UBE2E3: variants seen among roughly 807,000 people sequenced by gnomAD.
UBE2E3 encodes ubiquitin-conjugating enzyme E2 E3.
UBE2E3 carries 5 observed loss-of-function variants against 23.6 expected under a neutral mutation model. The ratio of observed to expected loss-of-function variants is 0.21; its 90% CI spans 0.11 to 0.44. The LOEUF (loss-of-function observed/expected upper bound fraction) is 0.44, where lower values mean the gene tolerates loss of function less well. Among genes scored for constraint, UBE2E3 ranks in the 20% least tolerant of loss-of-function variants. The probability of loss-of-function intolerance (pLI) is 0.99; values close to 1 mark genes in which losing one functional copy is unlikely to be tolerated. For synonymous variants in UBE2E3, 78 were observed against 87.5 expected (o/e 0.89, Z 0.60); for missense variants, 81 against 249.8 (o/e 0.32, Z 4.55).
chr2:181,019,022 G>A (rs1685588075), intron 3 of UBE2E3, among the ~76,000 whole-genome samples: 1 of 152,082 alleles, frequency 6.6e-6, no homozygotes. Context: ...GGAGGGCAGT[G>A]GTGTGATCTC....
chr2:181,062,965 A>C lies in UBE2E3; in HGVS notation c.*77A>C. The C allele has an allele frequency of 1.2e-6, 1 of 862,472 alleles. No homozygotes were observed. The highest frequency in any genetic ancestry group is 2.7e-5 in the East Asian group (1 of 37,484). The allele number at this position is 862,472 out of a possible 1,614,324, so 53.4% of individuals were successfully genotyped here. Reference sequence around the variant, plus strand: ...GCTGCAAATCTTTATAGCCTTTACAATACGGACTTCTGTGTATATGTTATA... The same window carrying C: ...GCTGCAAATCTTTATAGCCTTTACACTACGGACTTCTGTGTATATGTTATA... On this transcript the variant is annotated 3_prime_UTR_variant, in exon 6 of 6. Transcript: ENST00000410062.
chr2:181,028,895 T>A (rs905987710), intron 3 of UBE2E3, among the ~76,000 whole-genome samples: 1 of 152,276 alleles, frequency 6.6e-6, no homozygotes. Context: ...CTTATATGAT[T>A]AGCACTTTTT....
chr2:181,031,247 A>G (rs1686068668), intron 3 of UBE2E3, among the ~76,000 whole-genome samples: 2 of 152,060 alleles, frequency 1.3e-5, no homozygotes, highest in African/African-American at 2.4e-5. Flanking sequence ...AGGGTTTGCT[A>G]TGTTTTCATT....
At chr2:180,994,887 A>G (rs945994617) in intron 3 of UBE2E3, among the ~76,000 whole-genome samples, 1 of 152,004 alleles carries the variant, frequency 6.6e-6, no homozygotes, top group African/African-American at 2.4e-5. Flanking sequence ...CAAAACTTAC[A>G]CAGTCATTTA....
chr2:181,020,331 CTT>C (rs370833987), intron 3 of UBE2E3, among the ~76,000 whole-genome samples: 6 of 152,146 alleles, frequency 3.9e-5, no homozygotes, highest in African/African-American at 1.4e-4. Flanking sequence ...CTCTGTCTCT[CTT>C]CTCTTCTTGT....
At chr2:181,018,350 AT>A (rs1467343659) in intron 3 of UBE2E3, among the ~76,000 whole-genome samples, 1 of 147,480 alleles carries the variant, frequency 6.8e-6, no homozygotes, top group Non-Finnish European at 1.5e-5. Context: ...TGTGTTTAAT[AT>A]TTTTATCTCT....
chr2:181,054,536 G>A (rs981089878), intron 3 of UBE2E3, among the ~76,000 whole-genome samples: 4 of 151,678 alleles, frequency 2.6e-5, no homozygotes, highest in African/African-American at 9.7e-5. Context: ...TTTATCTTTG[G>A]TGTGAGGTAT....
At chr2:181,014,005 G>A (rs1685412227) in intron 3 of UBE2E3, among the ~76,000 whole-genome samples, 1 of 152,186 alleles carries the variant, frequency 6.6e-6, no homozygotes, top group South Asian at 2.1e-4. Context: ...GGTAGTGGAA[G>A]TGGAGGTTGT....
At chr2:181,053,426 C>G (rs1686901702) in intron 3 of UBE2E3, among the ~76,000 whole-genome samples, 1 of 151,834 alleles carries the variant, frequency 6.6e-6, no homozygotes, top group Admixed American at 6.6e-5. Context: ...TTGGAACATA[C>G]TCGTTTATAA....
chr2:180,984,632 C>T (rs920722296), intron 3 of UBE2E3, among the ~76,000 whole-genome samples: 2 of 152,088 alleles, frequency 1.3e-5, no homozygotes, highest in African/African-American at 2.4e-5. Flanking sequence ...GAATTATTTA[C>T]GTTTTAAGCA....
chr2:181,010,339 C>A (rs1225761093), intron 3 of UBE2E3, among the ~76,000 whole-genome samples: 1 of 152,010 alleles, frequency 6.6e-6, no homozygotes, highest in South Asian at 2.1e-4. Context: ...ATTTTCAATA[C>A]AGATTATTTT....
chr2:181,027,372 A>G (rs557995921), intron 3 of UBE2E3, among the ~76,000 whole-genome samples: 96 of 152,046 alleles, frequency 6.3e-4, no homozygotes, highest in African/African-American at 2.3e-3. Context: ...TGGTCATCCA[A>G]ACCTCTTGTT....
At chr2:181,030,658 T>A (rs186928228) in intron 3 of UBE2E3, among the ~76,000 whole-genome samples, 1 of 152,284 alleles carries the variant, frequency 6.6e-6, no homozygotes, top group African/African-American at 2.4e-5. Context: ...TGAAATTTGA[T>A]AGAAGTCTCC....
At chr2:181,018,833 G>A (rs192293802) in intron 3 of UBE2E3, among the ~76,000 whole-genome samples, 47 of 152,142 alleles carry the variant, frequency 3.1e-4, no homozygotes, top group African/African-American at 1.1e-3. Context: ...CTTTTATATA[G>A]GGGAGTGTTA....
Position 181,060,855 on chromosome 2 carries a change from C to T in UBE2E3, c.526+43C>T, listed in dbSNP as rs201984172. The T allele has an allele frequency of 6.5e-5, 27 of 413,462 alleles. No individual in the cohort carries two copies. In the South Asian group the frequency reaches 6.6e-4, roughly 10 times the overall value. 25.6% of individuals were successfully genotyped at this position (413,462 alleles called of 1,614,324 possible). On this transcript the variant is annotated intron_variant, in intron 5 of 5. Transcript: ENST00000410062. ...AACATGTACAATAAGACTACAAAAA[C>T]GAGTGCTTTTTTTTTTTTTTTTTTT...
chr2:181,007,514 T>C (rs1200267708), intron 3 of UBE2E3, among the ~76,000 whole-genome samples: 2 of 149,980 alleles, frequency 1.3e-5, no homozygotes, highest in Non-Finnish European at 3.0e-5. Flanking sequence ...TTTTTTTTTT[T>C]CTTTCTTTAT....
At chr2:181,008,215 A>C (rs998235638) in intron 3 of UBE2E3, among the ~76,000 whole-genome samples, 5 of 152,218 alleles carry the variant, frequency 3.3e-5, no homozygotes, top group Non-Finnish European at 7.3e-5. Context: ...TTTCTTCTGC[A>C]TGAGGATTGG....
chr2:181,000,480 A>G (rs1574168801), intron 3 of UBE2E3, among the ~76,000 whole-genome samples: 1 of 152,240 alleles, frequency 6.6e-6, no homozygotes, highest in South Asian at 2.1e-4. Flanking sequence ...ATAGCACAGC[A>G]CAGAGTAAGT....
chr2:180,992,816 C>G (rs898113629), intron 3 of UBE2E3, among the ~76,000 whole-genome samples: 2 of 150,702 alleles, frequency 1.3e-5, no homozygotes. Flanking sequence ...CATGTGCCAC[C>G]ACACTCAACT....
Sources: allele counts gnomAD v4.1 joint callset (sites outside exome capture counted in the v4.1 genomes callset), GRCh38; gene constraint gnomAD v4.1.1; transcripts MANE v1.5; gene names NCBI Gene and HGNC (gene_info 2026-07-23, HGNC 2026-07-21).